The following GPC6 variants were observed in gnomAD, a reference collection of about 807,000 sequenced individuals.
GPC6 encodes glypican-6.
A neutral mutation model predicts 55.2 loss-of-function variants in GPC6; 14 were observed. The ratio of observed to expected loss-of-function variants is 0.25; its 90% CI spans 0.17 to 0.40. The LOEUF is 0.40. Among genes scored for constraint, GPC6 ranks in the 10% least tolerant of loss-of-function variants. GPC6 has a pLI of 1.00. For synonymous variants in GPC6, 278 were observed against 259.6 expected (o/e 1.07, Z -0.68); for missense variants, 641 against 708.5 (o/e 0.90, Z 1.08).
intron 4 of GPC6, among the ~76,000 whole-genome samples, chr13:94,232,697 T>C (rs918141168): frequency 1.3e-5 from 2 of 152,130 alleles, no homozygotes; most frequent in African/African-American, 4.8e-5. Context: ...TTTTTTAGAT[T>C]CTGTAATGGC....
chr13:93,674,493 A>C (rs1881501436), intron 2 of GPC6, among the ~76,000 whole-genome samples: 1 of 152,174 alleles, frequency 6.6e-6, no homozygotes, highest in Non-Finnish European at 1.5e-5. Flanking sequence ...ACTACAGACC[A>C]CGCTGGTTTA....
At chr13:93,553,688 CCA>C in intron 2 of GPC6, among the ~76,000 whole-genome samples, 1 of 108,090 alleles carries the variant, frequency 9.3e-6, no homozygotes, top group Admixed American at 1.1e-4. Flanking sequence ...AAGCGAGACT[CCA>C]TCTCAAAAAA....
chr13:94,342,240 G>T (rs1282414174), intron 6 of GPC6, among the ~76,000 whole-genome samples: 1 of 152,224 alleles, frequency 6.6e-6, no homozygotes, highest in African/African-American at 2.4e-5. Context: ...CCCCCAAAAA[G>T]ATATGTCGAA....
intron 1 of GPC6, among the ~76,000 whole-genome samples, chr13:93,527,509 A>G (rs1056521047): frequency 1.3e-4 from 20 of 152,126 alleles, no homozygotes; most frequent in African/African-American, 4.3e-4. Flanking sequence ...AAATTATTTA[A>G]TGATAATGCT....
chr13:93,812,676 T>C (rs9524235), intron 2 of GPC6, among the ~76,000 whole-genome samples: 57,848 of 151,968 alleles, frequency 0.38, 11,886 homozygotes, highest in African/African-American at 0.53. Context: ...AAGATAAATT[T>C]TAAATGGATA....
intron 2 of GPC6, among the ~76,000 whole-genome samples, chr13:93,774,241 C>T (rs752116879): frequency 6.6e-6 from 1 of 152,060 alleles, no homozygotes; most frequent in Non-Finnish European, 1.5e-5. Context: ...CTGGAACATT[C>T]AATGGAGGTT....
rs57665046 is a variant in GPC6 at position 93,798,918 on chromosome 13, CAA to C, written c.320-31218_320-31217del. Among the ~76,000 whole-genome samples the C allele has an allele frequency of 7.7e-3, 663 of 86,200 alleles. 4 individuals carry two copies. Among genetic ancestry groups the C allele is most frequent in the African/African-American group, 0.026 (607 of 23,024 alleles). The allele number at this position is 86,200 out of a possible 152,430, so 56.6% of individuals were successfully genotyped here. ...TGGGTGACAGAGCAAGACTCTGTCT[CAA>C]AAAAAAAAAAAAAAAAATGGTGACA... On this transcript the variant is annotated intron_variant, in intron 2 of 8. Transcript: ENST00000377047.
At chr13:93,615,384 C>G (rs1878667848) in intron 2 of GPC6, among the ~76,000 whole-genome samples, 1 of 152,110 alleles carries the variant, frequency 6.6e-6, no homozygotes, top group Admixed American at 6.5e-5. Context: ...TTGTTTATCC[C>G]TTTTGTCGAG....
chr13:94,171,316 C>G (rs1252568285), intron 4 of GPC6, among the ~76,000 whole-genome samples: 3 of 152,154 alleles, frequency 2.0e-5, no homozygotes, highest in Non-Finnish European at 4.4e-5. Flanking sequence ...AGATTTTAGA[C>G]CTACTTTTTA....
intron 2 of GPC6, among the ~76,000 whole-genome samples, chr13:93,685,827 C>T (rs149125860): frequency 6.3e-4 from 96 of 152,154 alleles, no homozygotes; most frequent in Non-Finnish European, 1.1e-3. Context: ...TTTTTCCTTG[C>T]GTTCACAACA....
chr13:94,122,797 T>G (rs548799133), intron 4 of GPC6, among the ~76,000 whole-genome samples: 1 of 152,236 alleles, frequency 6.6e-6, no homozygotes, highest in East Asian at 1.9e-4. Context: ...TATGAAGCAG[T>G]GTATGTTGAA....
chr13:94,354,604 T>G (rs939028956), intron 6 of GPC6, among the ~76,000 whole-genome samples: 2 of 152,210 alleles, frequency 1.3e-5, no homozygotes, highest in Non-Finnish European at 2.9e-5. Flanking sequence ...TGTGTTCTCA[T>G]CATGAGCATG....
intron 1 of GPC6, among the ~76,000 whole-genome samples, chr13:93,280,815 C>A (rs1877924912): frequency 6.6e-6 from 1 of 152,194 alleles, no homozygotes; most frequent in Admixed American, 6.5e-5. Flanking sequence ...AGTGTTCCAC[C>A]TCAGATCATT....
At chr13:93,809,606 G>A (rs573302690) in intron 2 of GPC6, among the ~76,000 whole-genome samples, 14 of 152,272 alleles carry the variant, frequency 9.2e-5, no homozygotes, top group African/African-American at 3.1e-4. Context: ...TTGCACATAT[G>A]TGCCCACTAC....
intron 1 of GPC6, among the ~76,000 whole-genome samples, chr13:93,266,045 G>A (rs1877313863): frequency 6.6e-6 from 1 of 152,016 alleles, no homozygotes; most frequent in Admixed American, 6.6e-5. Context: ...GCCTACCACT[G>A]TACATGTGTG....
At chr13:93,810,874 T>G (rs1192490087) in intron 2 of GPC6, among the ~76,000 whole-genome samples, 1 of 152,184 alleles carries the variant, frequency 6.6e-6, no homozygotes, top group Non-Finnish European at 1.5e-5. Flanking sequence ...ACTTACATAG[T>G]TTTGATAAGA....
At chr13:94,299,999 C>T (rs1280091632) in intron 5 of GPC6, among the ~76,000 whole-genome samples, 1 of 152,066 alleles carries the variant, frequency 6.6e-6, no homozygotes, top group Non-Finnish European at 1.5e-5. Flanking sequence ...ACCCTTAAAA[C>T]ATCAAATCTA....
chr13:93,946,369 C>A (rs1485971277), intron 3 of GPC6, among the ~76,000 whole-genome samples: 2 of 152,108 alleles, frequency 1.3e-5, no homozygotes, highest in Non-Finnish European at 2.9e-5. Context: ...TGGGCTCAAG[C>A]AATCCTCCTG....
intron 3 of GPC6, among the ~76,000 whole-genome samples, chr13:94,009,982 A>G (rs1385273543): frequency 1.3e-5 from 2 of 152,194 alleles, no homozygotes; most frequent in East Asian, 1.9e-4. Context: ...GTAAAGCTCT[A>G]TAGATTATAG....
Sources: allele counts gnomAD v4.1 joint callset (sites outside exome capture counted in the v4.1 genomes callset), GRCh38; gene constraint gnomAD v4.1.1; transcripts MANE v1.5; gene names NCBI Gene and HGNC (gene_info 2026-07-23, HGNC 2026-07-21).